Variants in PTPRF observed in about 807,000 individuals in gnomAD.
PTPRF encodes the protein receptor-type tyrosine-protein phosphatase F.
PTPRF carries 59 observed loss-of-function variants against 201.8 expected under a neutral mutation model. That is an observed-to-expected ratio of 0.29 (90% CI 0.24 to 0.36). The LOEUF is 0.36. Ranked by LOEUF, PTPRF falls within the 10% of genes least tolerant of loss-of-function variation. PTPRF has a pLI of 1.00. For synonymous variants in PTPRF, 1,088 were observed against 1,089.7 expected (o/e 1.00, Z 0.03); for missense variants, 2,132 against 2,690.5 (o/e 0.79, Z 4.59).
In PTPRF at chr1:43,603,647, C is replaced by T. The variant is rs1654335460; in HGVS notation, c.2495C>T (p.Ala832Val). ...GRPTMMISTT[A>V]MNTALLQWHP... The stretch of plus-strand genomic sequence containing the variant: ...CCCACCATGATGATCAGCACCACGG[C>T]CATGAACACTGCGCTGCTCCAGTGG... Residue 832 changes from alanine to valine, a missense_variant, in exon 16 of 34, where the codon GCC (alanine) becomes GTC (valine). Ala to Val is a moderately conservative substitution (Grantham distance 64). Coordinates refer to ENST00000359947, the MANE Select transcript of PTPRF (RefSeq NM_002840.5). The surrounding 1 kb of genome is among the most constrained non-coding windows in gnomAD (Gnocchi z 5.8). 6.2e-7 allele frequency: 1 copy of T among 1,613,438 alleles called. No individual in the cohort carries two copies. The highest frequency in any genetic ancestry group is 1.7e-5 in the Admixed American group (1 of 59,982).
At chr1:43,614,044 C>T (rs925216943) in intron 23 of PTPRF, among the ~76,000 whole-genome samples, 2 of 152,238 alleles carry the variant, frequency 1.3e-5, no homozygotes, top group Non-Finnish European at 2.9e-5. Context: ...AGACATAGAT[C>T]AGTGATAACA....
chr1:43,562,355 G>A (rs1396256502), intron 5 of PTPRF, among the ~76,000 whole-genome samples: 3 of 151,784 alleles, frequency 2.0e-5, no homozygotes, highest in Admixed American at 6.6e-5. Flanking sequence ...TGATCCACCC[G>A]CCTCAGCCTC....
Position 43,620,936 on chromosome 1 carries a change from G to A in PTPRF, c.5463G>A (p.Gln1821=), listed in dbSNP as rs1659067946. ...TGEGFIDFIG[Q]VHKTKEQFGQ... ...AGGGATTCATTGACTTCATCGGGCA[G>A]GTGCATAAGACCAAGGAGCAGTTTG... is the stretch of plus-strand genomic sequence containing the variant. Residue 1821 remains glutamine, a synonymous_variant, in exon 32 of 34, where the codon CAG becomes CAA. Coordinates refer to ENST00000359947, the MANE Select transcript of PTPRF (RefSeq NM_002840.5). 1 of 1,614,194 alleles carries A rather than the reference G, an allele frequency of 6.2e-7. No individual in the cohort carries two copies. The highest frequency in any genetic ancestry group is 1.7e-5 in the Admixed American group (1 of 60,020).
Position 43,555,872 on chromosome 1 carries a change from C to T in PTPRF, c.379+1931C>T, listed in dbSNP as rs143308180. ...GTTTCTATAAATAAGGTGCCATACACGTCGTTGCAGATGGATGTGTTCACC... is the reference window on the plus strand; with the variant it reads ...GTTTCTATAAATAAGGTGCCATACATGTCGTTGCAGATGGATGTGTTCACC... On this transcript the variant is annotated intron_variant, in intron 5 of 33. Transcript: ENST00000359947. Among the ~76,000 whole-genome samples, 8 of 152,288 alleles carry T rather than the reference C, an allele frequency of 5.3e-5. No homozygotes were observed. The East Asian group carries it at 1.3e-3, about 26-fold the overall frequency.
chr1:43,568,499 TCAGATACAGACCTCA>T (rs1646343561), intron 5 of PTPRF, among the ~76,000 whole-genome samples: 1 of 152,168 alleles, frequency 6.6e-6, no homozygotes, highest in Non-Finnish European at 1.5e-5. Context: ...GCATGCATGA[TCAGATACAGACCTCA>T]CAGTAGCCTT....
intron 5 of PTPRF, among the ~76,000 whole-genome samples, chr1:43,566,777 G>A (rs1255082997): frequency 6.6e-6 from 1 of 152,204 alleles, no homozygotes; most frequent in African/African-American, 2.4e-5. Flanking sequence ...AGACTTCCGA[G>A]TGCTGCCTAG....
At chr1:43,579,637 G>A (rs186525781) in intron 7 of PTPRF, 2 of 218,836 alleles carry the variant, frequency 9.1e-6, no homozygotes, top group African/African-American at 2.3e-5. Context: ...TCACAGCCTA[G>A]GGGTGACTAA....
chr1:43,559,452 G>A (rs1033789143), intron 5 of PTPRF, among the ~76,000 whole-genome samples: 1 of 152,022 alleles, frequency 6.6e-6, no homozygotes, highest in Non-Finnish European at 1.5e-5. Context: ...AGTAGGCAGT[G>A]TGTGTGTGTG....
chr1:43,567,171 T>C lies in PTPRF; in HGVS notation c.380-2419T>C, dbSNP rs138248493. Among the ~76,000 whole-genome samples, 453 of 152,166 alleles carry C rather than the reference T, an allele frequency of 3.0e-3. 2 individuals carry two copies. Among genetic ancestry groups the C allele is most frequent in the Non-Finnish European group, 4.9e-3 (334 of 68,002 alleles). ...GGTCTTGAAAGAGTTAGACTGGTGC[T>C]CTGGAGGGCACCCAGGATGGCCCTA... On this transcript the variant is annotated intron_variant, in intron 5 of 33. Coordinates refer to ENST00000359947, the MANE Select transcript of PTPRF (RefSeq NM_002840.5).
intron 13 of PTPRF, among the ~76,000 whole-genome samples, chr1:43,600,864 C>T (rs2154022916): frequency 6.6e-6 from 1 of 152,198 alleles, no homozygotes; most frequent in Middle Eastern, 3.4e-3. Context: ...CATTTGGTTT[C>T]ATCCTCCGTC....
intron 2 of PTPRF, among the ~76,000 whole-genome samples, chr1:43,539,102 G>T (rs1312444668): frequency 6.6e-6 from 1 of 152,198 alleles, no homozygotes; most frequent in Non-Finnish European, 1.5e-5. Context: ...ATTTTTATGT[G>T]CTGAAAGGTG....
chr1:43,526,029 G>T (rs993372530), upstream of PTPRF, among the ~76,000 whole-genome samples: 1 of 151,920 alleles, frequency 6.6e-6, no homozygotes, highest in Non-Finnish European at 1.5e-5. Context: ...AAAGACATGC[G>T]CATGGGCAGA....
At chr1:43,591,736 TC>T (rs1557792770) in intron 9 of PTPRF, 75 bp from the exon 10 acceptor site, 16 of 1,569,980 alleles carry the variant, frequency 1.0e-5, no homozygotes, top group Non-Finnish European at 1.4e-5. Context: ...GGACCTGACT[TC>T]CTCGGCTCCC....
intron 7 of PTPRF, among the ~76,000 whole-genome samples, chr1:43,584,297 C>T (rs181607928): frequency 2.5e-4 from 38 of 152,296 alleles, no homozygotes; most frequent in African/African-American, 8.2e-4. Context: ...CCACATCCTC[C>T]GTGGCTTGAG....
chr1:43,533,553 C>T (rs576894946), intron 1 of PTPRF, among the ~76,000 whole-genome samples: 1 of 152,280 alleles, frequency 6.6e-6, no homozygotes, highest in African/African-American at 2.4e-5. Context: ...GGCTCCTCCA[C>T]TTTCCAGCTT....
chr1:43,563,177 CAAAAAA>C (rs61595608), intron 5 of PTPRF, among the ~76,000 whole-genome samples: 1 of 134,106 alleles, frequency 7.5e-6, no homozygotes, highest in Non-Finnish European at 1.6e-5. Flanking sequence ...GACTCCATCT[CAAAAAA>C]AAAAAAAAAA....
intron 2 of PTPRF, 51 bp from the exon 3 acceptor site, chr1:43,544,980 G>A: frequency 9.1e-7 from 1 of 1,097,952 alleles, no homozygotes; most frequent in Non-Finnish European, 1.3e-6. Flanking sequence ...GTGGGCATTA[G>A]GGACAGCAGT....
At chr1:43,601,555 A>G (rs1307754731) in intron 13 of PTPRF, among the ~76,000 whole-genome samples, 2 of 152,152 alleles carry the variant, frequency 1.3e-5, no homozygotes, top group Non-Finnish European at 2.9e-5. Context: ...TGATTGTGTA[A>G]TGTATGATCA....
chr1:43,551,751 G>A (rs774695096), intron 3 of PTPRF, among the ~76,000 whole-genome samples: 4 of 152,154 alleles, frequency 2.6e-5, no homozygotes, highest in Non-Finnish European at 2.9e-5. Flanking sequence ...ATGCTGGTAC[G>A]AGTGACAGCT....
Sources: allele counts gnomAD v4.1 joint callset (sites outside exome capture counted in the v4.1 genomes callset), GRCh38; gene constraint gnomAD v4.1.1; non-coding constraint Gnocchi (gnomAD v3.1); transcripts MANE v1.5; gene names NCBI Gene and HGNC (gene_info 2026-07-23, HGNC 2026-07-21).